Variants in HTR2C observed in about 807,000 individuals in gnomAD.
HTR2C encodes 5-hydroxytryptamine (serotonin) receptor 2C, G protein-coupled.
In HTR2C, 5 loss-of-function variants were observed where a neutral mutation model predicts 21.0. The ratio of observed to expected loss-of-function variants is 0.24; its 90% CI spans 0.12 to 0.50. The LOEUF (loss-of-function observed/expected upper bound fraction) is 0.50, where lower values mean the gene tolerates loss of function less well. HTR2C is among the 20% of genes least tolerant of loss of function. The pLI is 0.98. For synonymous variants in HTR2C, 150 were observed against 145.3 expected, an observed-to-expected ratio of 1.03 and a Z score of -0.23; for missense variants, 271 against 371.2, an observed-to-expected ratio of 0.73 and a Z score of 2.22.
chrX:114,770,021 C>T (rs2069984691), intron 4 of HTR2C, among the ~76,000 whole-genome samples: 1 of 111,505 alleles, frequency 9.0e-6, no homozygotes, highest in South Asian at 3.7e-4. Flanking sequence ...TCTATCAGCC[C>T]TTCAAATATG....
chrX:114,877,928 T>C (rs1435209010), intron 5 of HTR2C, among the ~76,000 whole-genome samples: 1 of 110,912 alleles, frequency 9.0e-6, no homozygotes, highest in Non-Finnish European at 1.9e-5. Flanking sequence ...ATGTGTATTC[T>C]GTTATTGTTG....
At chrX:114,771,968 C>T (rs1335331170) in intron 4 of HTR2C, among the ~76,000 whole-genome samples, 1 of 112,115 alleles carries the variant, frequency 8.9e-6, no homozygotes, top group Non-Finnish European at 1.9e-5. Flanking sequence ...AATCAGTCCC[C>T]ACTCAACTGG....
At chrX:114,823,435 G>A (rs1556457055) in intron 4 of HTR2C, 1 of 341,428 alleles carries the variant, frequency 2.9e-6, no homozygotes, top group Admixed American at 3.1e-5. Flanking sequence ...TCATGGTGCA[G>A]CAGTTCATCT....
At chrX:114,831,602 T>C (rs1273097656) in intron 4 of HTR2C, among the ~76,000 whole-genome samples, 1 of 103,708 alleles carries the variant, frequency 9.6e-6, no homozygotes, top group East Asian at 3.1e-4. Flanking sequence ...ATATTAGCCC[T>C]TTGTCAGATG....
chrX:114,872,395 G>A (rs1602900315), intron 5 of HTR2C, among the ~76,000 whole-genome samples: 1 of 110,504 alleles, frequency 9.0e-6, no homozygotes, highest in East Asian at 2.9e-4. Context: ...GGGAGATAAG[G>A]TTATTCATTA....
rs370997351 is a variant in HTR2C, at chrX:114,628,976, C to A, written c.-80+15095C>A. The stretch of plus-strand genomic sequence containing the variant: ...GAATGATGAATTAGATGGAACCACA[C>A]CTTCATAAGTGAATGGCCCAATGTA... On this transcript the variant is annotated intron_variant, in intron 2 of 5. Coordinates refer to ENST00000276198, the MANE Select transcript of HTR2C (RefSeq NM_000868.4). Among the ~76,000 whole-genome samples, 17 of 112,170 alleles carry A rather than the reference C, an allele frequency of 1.5e-4. No individual in the cohort carries two copies. In the South Asian group the frequency reaches 4.4e-3, roughly 29 times the overall value.
chrX:114,699,325 T>C (rs997503837), intron 2 of HTR2C, among the ~76,000 whole-genome samples: 2 of 111,915 alleles, frequency 1.8e-5, no homozygotes, highest in South Asian at 7.4e-4. Context: ...TGTTAACTTC[T>C]TGAAGAAACC....
At chrX:114,767,444 A>G (rs1483745623) in intron 4 of HTR2C, among the ~76,000 whole-genome samples, 3 of 110,707 alleles carry the variant, frequency 2.7e-5, no homozygotes, top group Non-Finnish European at 5.7e-5. Flanking sequence ...GGCATTTGAT[A>G]TTCATTAAGC....
chrX:114,751,630 A>G (rs797040730), intron 4 of HTR2C, among the ~76,000 whole-genome samples: 2 of 111,732 alleles, frequency 1.8e-5, no homozygotes, highest in East Asian at 2.8e-4. Flanking sequence ...CAGTGCCTCA[A>G]CTGTTCATTT....
intron 2 of HTR2C, among the ~76,000 whole-genome samples, chrX:114,644,356 TAAATAA>T (rs1415284269): frequency 3.2e-3 from 59 of 18,337 alleles, no homozygotes; most frequent in African/African-American, 9.4e-3. Context: ...AATAAATAAA[TAAATAA>T]ATATATATAT....
At chrX:114,607,580 C>T (rs1928518356) in intron 1 of HTR2C, among the ~76,000 whole-genome samples, 1 of 111,980 alleles carries the variant, frequency 8.9e-6, no homozygotes, top group Non-Finnish European at 1.9e-5. Flanking sequence ...AGTTGTTTGG[C>T]ACATTTGTCA....
intron 4 of HTR2C, among the ~76,000 whole-genome samples, chrX:114,769,254 A>C (rs782413752): frequency 6.3e-5 from 7 of 111,310 alleles, no homozygotes; most frequent in Non-Finnish European, 1.1e-4. Flanking sequence ...AATAAGGCTA[A>C]TAATACATAT....
intron 4 of HTR2C, among the ~76,000 whole-genome samples, chrX:114,797,147 C>A (rs1259558889): frequency 9.0e-6 from 1 of 111,597 alleles, no homozygotes; most frequent in African/African-American, 3.2e-5. Context: ...AATGCATAAG[C>A]CAAAGTTAGT....
chrX:114,657,479 T>A (rs1930823974), intron 2 of HTR2C, among the ~76,000 whole-genome samples: 1 of 111,160 alleles, frequency 9.0e-6, no homozygotes, highest in Admixed American at 9.6e-5. Flanking sequence ...CAATACACCC[T>A]GAAAAGTAAA....
At chrX:114,851,764 T>C (rs1436084400) in intron 5 of HTR2C, among the ~76,000 whole-genome samples, 1 of 111,493 alleles carries the variant, frequency 9.0e-6, no homozygotes, top group African/African-American at 3.3e-5. Context: ...CCTTTTACTT[T>C]CCATGCCCCA....
intron 2 of HTR2C, among the ~76,000 whole-genome samples, chrX:114,639,780 C>T (rs903763439): frequency 3.6e-5 from 4 of 111,681 alleles, no homozygotes; most frequent in South Asian, 3.7e-4. Flanking sequence ...AAATAAACAG[C>T]GGTAAAGGGA....
chrX:114,591,933 C>A (rs1271033114), intron 1 of HTR2C, among the ~76,000 whole-genome samples: 1 of 111,878 alleles, frequency 8.9e-6, no homozygotes, highest in East Asian at 2.8e-4. Flanking sequence ...CTTTCCTACT[C>A]TCTCACTCAG....
At chrX:114,634,938 G>A (rs2147820318) in intron 2 of HTR2C, among the ~76,000 whole-genome samples, 1 of 112,396 alleles carries the variant, frequency 8.9e-6, no homozygotes, top group East Asian at 2.8e-4. Flanking sequence ...TTGGACAACT[G>A]TACAATCAGC....
intron 2 of HTR2C, chrX:114,630,736 C>T: frequency 4.5e-6 from 1 of 224,233 alleles, no homozygotes; most frequent in South Asian, 5.5e-5. Context: ...CTACCCACTC[C>T]CTCCTTTAAG....
Sources: gnomAD v4.1 joint callset for allele counts (sites outside exome capture counted in the v4.1 genomes callset) on GRCh38, gnomAD v4.1.1 for gene constraint, MANE v1.5 for transcripts, NCBI Gene and HGNC (gene_info 2026-07-23, HGNC 2026-07-21) for gene names.